MAGI1: variants seen among roughly 807,000 people sequenced by gnomAD.
MAGI1 encodes membrane-associated guanylate kinase, WW and PDZ domain-containing protein 1.
In MAGI1, 58 loss-of-function variants were observed where a neutral mutation model predicts 139.9. The ratio of observed to expected loss-of-function variants is 0.41; its 90% CI spans 0.34 to 0.52. The LOEUF (loss-of-function observed/expected upper bound fraction) is 0.52, where lower values mean the gene tolerates loss of function less well. MAGI1 is among the 20% of genes least tolerant of loss of function. The pLI is 0.12. For synonymous variants in MAGI1, 812 were observed against 737.9 expected (o/e 1.10, Z -1.63); for missense variants, 1,874 against 1,901.6 (o/e 0.99, Z 0.27).
chr3:65,684,001 C>CA (rs1235259524), intron 1 of MAGI1, among the ~76,000 whole-genome samples: 9,095 of 86,694 alleles, frequency 0.1, 409 homozygotes, highest in East Asian at 0.22. Context: ...CCCATGTCTA[C>CA]AAAAAAAAAA....
chr3:65,402,817 T>C (rs1245987939), intron 12 of MAGI1, among the ~76,000 whole-genome samples: 3 of 152,114 alleles, frequency 2.0e-5, no homozygotes, highest in Non-Finnish European at 2.9e-5. Context: ...GTGGGAGGCA[T>C]GAGGGCACTC....
chr3:65,767,502 T>C (rs972903234), intron 1 of MAGI1, among the ~76,000 whole-genome samples: 20 of 152,206 alleles, frequency 1.3e-4, no homozygotes, highest in South Asian at 1.0e-3. Context: ...ACTCAAAGCA[T>C]TTTCAAAATT....
At chr3:65,476,404 G>A (rs1559589782) in intron 4 of MAGI1, among the ~76,000 whole-genome samples, 2 of 152,160 alleles carry the variant, frequency 1.3e-5, no homozygotes, top group Admixed American at 6.5e-5. Flanking sequence ...TCATCAGACT[G>A]ATTTTGGCCA....
intron 2 of MAGI1, among the ~76,000 whole-genome samples, chr3:65,564,472 G>A (rs1179538977): frequency 6.6e-6 from 1 of 152,124 alleles, no homozygotes; most frequent in Non-Finnish European, 1.5e-5. Context: ...GAATGAATGA[G>A]ATTTTAAAAA....
At chr3:65,804,111 G>A (rs970667793) in intron 1 of MAGI1, among the ~76,000 whole-genome samples, 5 of 151,948 alleles carry the variant, frequency 3.3e-5, no homozygotes, top group African/African-American at 9.7e-5. Context: ...GAAGAAATTC[G>A]AAAAACAAAC....
intron 13 of MAGI1, among the ~76,000 whole-genome samples, chr3:65,394,850 A>G (rs1302242689): frequency 6.6e-6 from 1 of 152,214 alleles, no homozygotes; most frequent in Non-Finnish European, 1.5e-5. Flanking sequence ...GACTAGGGGC[A>G]TGAGAATACG....
intron 2 of MAGI1, chr3:65,532,847 G>A (rs1340119924): frequency 2.0e-5 from 3 of 152,192 alleles, no homozygotes; most frequent in Non-Finnish European, 2.9e-5. Context: ...TTTCCCCATG[G>A]ATCCATGTGT....
chr3:65,775,328 A>C (rs2107967414), intron 1 of MAGI1, among the ~76,000 whole-genome samples: 1 of 151,830 alleles, frequency 6.6e-6, no homozygotes, highest in African/African-American at 2.4e-5. Context: ...ACATGCCTGT[A>C]GTATCAGCTA....
chr3:65,813,798 T>C (rs1209758645), intron 1 of MAGI1, among the ~76,000 whole-genome samples: 1 of 152,202 alleles, frequency 6.6e-6, no homozygotes, highest in African/African-American at 2.4e-5. Context: ...AAATGTTCCA[T>C]ATTAATGGAG....
intron 6 of MAGI1, chr3:65,448,343 G>A (rs1406377156): frequency 1.1e-5 from 6 of 525,148 alleles, no homozygotes; most frequent in Non-Finnish European, 1.7e-5. Flanking sequence ...ATACCTTTGC[G>A]GTTTCAATGT....
At chr3:65,733,674 G>A (rs750842854) in intron 1 of MAGI1, among the ~76,000 whole-genome samples, 1 of 152,214 alleles carries the variant, frequency 6.6e-6, no homozygotes. Context: ...TCTTCAGCCA[G>A]TCCCTTCCTT....
intron 13 of MAGI1, among the ~76,000 whole-genome samples, chr3:65,392,420 C>G (rs1174174294): frequency 1.3e-5 from 2 of 152,146 alleles, no homozygotes; most frequent in Non-Finnish European, 2.9e-5. Context: ...CTATACTTAG[C>G]TGATTTAAAG....
At chr3:65,671,507 GA>G (rs1359176392) in intron 1 of MAGI1, among the ~76,000 whole-genome samples, 2 of 152,162 alleles carry the variant, frequency 1.3e-5, no homozygotes, top group African/African-American at 2.4e-5. Flanking sequence ...TTAAAAGAAA[GA>G]AAGTAGGGAA....
chr3:65,782,557 C>G (rs925130978), intron 1 of MAGI1, among the ~76,000 whole-genome samples: 1 of 144,782 alleles, frequency 6.9e-6, no homozygotes, highest in African/African-American at 2.5e-5. Context: ...TGTTCCTAAC[C>G]CTTCTGGACC....
chr3:65,485,631 T>C (rs1220081802), intron 3 of MAGI1, among the ~76,000 whole-genome samples: 1 of 152,230 alleles, frequency 6.6e-6, no homozygotes, highest in African/African-American at 2.4e-5. Context: ...TAAAAGAGTG[T>C]ATTATCACAA....
rs781576634 is a variant in MAGI1, at chr3:65,439,863, G to A, written c.1270+16C>T. On this transcript the variant is annotated intron_variant, in intron 9 of 22. Transcript: ENST00000402939. Reference sequence around the variant, plus strand: ...GCTCCCCTGATCAAGAAAAAGCCTAGAGGAAAGAGGCCAACCTTCTGTCTG... The same window carrying A: ...GCTCCCCTGATCAAGAAAAAGCCTAAAGGAAAGAGGCCAACCTTCTGTCTG... 2.5e-6 allele frequency: 4 copies of A among 1,609,580 alleles called. No homozygotes were observed. Among genetic ancestry groups the A allele is most frequent in the Non-Finnish European group, 3.4e-6 (4 of 1,179,918 alleles).
intron 2 of MAGI1, among the ~76,000 whole-genome samples, chr3:65,527,057 C>A (rs1431866674): frequency 6.6e-6 from 1 of 152,232 alleles, no homozygotes; most frequent in Non-Finnish European, 1.5e-5. Flanking sequence ...ATTCACGTAT[C>A]TTCTCTTCTT....
chr3:65,926,327 T>TTCTCTCTCTCTCTCTCTCTC (rs377665681), intron 1 of MAGI1, among the ~76,000 whole-genome samples: 63 of 115,652 alleles, frequency 5.4e-4, no homozygotes, highest in East Asian at 3.2e-3. Context: ...AAGTCTTCTT[T>TTCTCTCTCTCTCTCTCTCTC]TCTCTCTCTC....
Position 65,640,296 on chromosome 3 carries a change from A to G in MAGI1, c.314-18208T>C, listed in dbSNP as rs2084916065. On this transcript the variant is annotated intron_variant, in intron 1 of 22. Coordinates refer to ENST00000402939, the MANE Select transcript of MAGI1 (RefSeq NM_001033057.2). ...ATCATCTGCCTCCTTTAGCTCCAACATAGCATGAAGCATTCTACTCAATTC... is the reference window on the plus strand; with the variant it reads ...ATCATCTGCCTCCTTTAGCTCCAACGTAGCATGAAGCATTCTACTCAATTC... Among the ~76,000 whole-genome samples the G allele has an allele frequency of 4.6e-5, 7 of 152,150 alleles. No homozygotes were observed. In the South Asian group the frequency reaches 1.2e-3, roughly 27 times the overall value.
Sources: gnomAD v4.1 joint callset for allele counts (sites outside exome capture counted in the v4.1 genomes callset) on GRCh38, gnomAD v4.1.1 for gene constraint, MANE v1.5 for transcripts, NCBI Gene and HGNC (gene_info 2026-07-23, HGNC 2026-07-21) for gene names.